Variants in LOXHD1 observed in about 807,000 individuals in gnomAD.
The protein encoded by LOXHD1 is lipoxygenase homology domain-containing protein 1.
In LOXHD1, 205 loss-of-function variants were observed where a neutral mutation model predicts 248.2. The ratio of observed to expected loss-of-function variants is 0.83; its 90% confidence interval spans 0.74 to 0.93. The LOEUF is 0.93. Among genes scored for constraint, LOXHD1 ranks in the 40% least tolerant of loss-of-function variants. LOXHD1 has a pLI of 0.00. For missense variants in LOXHD1, 2,930 were observed against 2,971.6 expected, an observed-to-expected ratio of 0.99 and a Z score of 0.33; for synonymous variants, 1,113 against 1,162.8, an observed-to-expected ratio of 0.96 and a Z score of 0.87.
chr18:46,606,840 G>A (rs1399224177), intron 6 of LOXHD1, among the ~76,000 whole-genome samples: 1 of 152,094 alleles, frequency 6.6e-6, no homozygotes, highest in Non-Finnish European at 1.5e-5. Context: ...AATAAGTCAT[G>A]GTAGATCTAA....
chr18:46,560,676 C>G (rs1383704217), intron 18 of LOXHD1, 131 bp from the exon 19 acceptor site: 3 of 837,470 alleles, frequency 3.6e-6, no homozygotes, highest in East Asian at 5.3e-5. Flanking sequence ...GCTGGGGCCT[C>G]TGTGCTCAGA....
Position 46,601,213 on chromosome 18 carries a change from T to C in LOXHD1, c.1134+4A>G. The C allele has an allele frequency of 3.9e-6, 6 of 1,550,134 alleles. No homozygotes were observed. The South Asian group carries it at 7.1e-5, about 18-fold the overall frequency. On this transcript the variant is annotated splice_donor_region_variant and intron_variant, in intron 8 of 40. Coordinates refer to ENST00000642948, the MANE Select transcript of LOXHD1 (RefSeq NM_001384474.1). ...GGAAGGCTGTCTCTGGGGGCATCCC[T>C]TACCTTCTCACAGAACCAGCCTCTG...
chr18:46,649,853 A>G (rs2039085676), intron 1 of LOXHD1, among the ~76,000 whole-genome samples: 1 of 152,156 alleles, frequency 6.6e-6, no homozygotes, highest in South Asian at 2.1e-4. Flanking sequence ...TATTCAGGGC[A>G]TCAGTACAAT....
chr18:46,552,641 C>T (rs2143905990), intron 21 of LOXHD1, among the ~76,000 whole-genome samples: 1 of 152,306 alleles, frequency 6.6e-6, no homozygotes, highest in South Asian at 2.1e-4. Context: ...TTTATATCTT[C>T]TCCCAATCCT....
intron 37 of LOXHD1, among the ~76,000 whole-genome samples, chr18:46,500,638 A>G (rs1181056172): frequency 6.6e-6 from 1 of 152,174 alleles, no homozygotes; most frequent in Non-Finnish European, 1.5e-5. Context: ...ATGGCTTCTC[A>G]GTACACTCAG....
chr18:46,648,884 A>G (rs1355628469), intron 2 of LOXHD1, among the ~76,000 whole-genome samples: 1 of 152,248 alleles, frequency 6.6e-6, no homozygotes, highest in African/African-American at 2.4e-5. Flanking sequence ...ACTAAGGAAC[A>G]GCTAATATGG....
intron 17 of LOXHD1, among the ~76,000 whole-genome samples, chr18:46,563,888 T>A (rs1053784320): frequency 5.9e-5 from 9 of 151,986 alleles, no homozygotes; most frequent in African/African-American, 2.2e-4. Flanking sequence ...GAGGCAGCCC[T>A]AGCACAGTAA....
chr18:46,656,611 T>A (rs556421723), intron 1 of LOXHD1, among the ~76,000 whole-genome samples: 1 of 152,198 alleles, frequency 6.6e-6, no homozygotes, highest in Admixed American at 6.5e-5. Flanking sequence ...TTGGGGATGT[T>A]CAGGAGCTGG....
chr18:46,579,629 C>T lies in LOXHD1; in HGVS notation c.1809+1G>A. On this transcript the variant is annotated splice_donor_variant, in intron 13 of 40. Transcript: ENST00000642948. LOFTEE classifies it high-confidence loss of function. ...GAGTGGGGCACATTGCTGTAACTTA[C>T]ATTGCCCTTTTCAAACAGGTCTGTG... is the stretch of plus-strand genomic sequence containing the variant. 6.4e-7 allele frequency: 1 copy of T among 1,551,698 alleles called. No homozygotes were observed. The highest frequency in any genetic ancestry group is 8.7e-7 in the Non-Finnish European group (1 of 1,146,974).
At chr18:46,499,302 G>C (rs909894800) in intron 37 of LOXHD1, among the ~76,000 whole-genome samples, 2 of 152,170 alleles carry the variant, frequency 1.3e-5, no homozygotes, top group African/African-American at 4.8e-5. Context: ...GATTTTGAAG[G>C]ATGCATAATA....
intron 25 of LOXHD1, among the ~76,000 whole-genome samples, chr18:46,540,905 G>A (rs754267222): frequency 2.8e-4 from 43 of 152,020 alleles, no homozygotes; most frequent in Non-Finnish European, 5.6e-4. Flanking sequence ...TTGATGATCT[G>A]TTCATTTCAG....
intron 35 of LOXHD1, among the ~76,000 whole-genome samples, chr18:46,509,174 C>T (rs190903228): frequency 2.6e-5 from 4 of 152,318 alleles, no homozygotes; most frequent in African/African-American, 9.6e-5. Flanking sequence ...ATCCCATCCC[C>T]AAGGCTGGCT....
intron 40 of LOXHD1, among the ~76,000 whole-genome samples, chr18:46,482,969 C>T (rs1300864094): frequency 6.6e-6 from 1 of 152,190 alleles, no homozygotes; most frequent in Non-Finnish European, 1.5e-5. Flanking sequence ...CAGGGCTCTT[C>T]CTGGCTTCCA....
chr18:46,579,052 G>A (rs756992610), intron 13 of LOXHD1, among the ~76,000 whole-genome samples: 4 of 152,260 alleles, frequency 2.6e-5, no homozygotes, highest in Non-Finnish European at 4.4e-5. Flanking sequence ...ACAGAAGCAA[G>A]TTCTCCCACC....
Position 46,644,269 on chromosome 18 carries a change from G to GA in LOXHD1, c.246-2234dup, listed in dbSNP as rs138689844. 7.5e-3 allele frequency among the ~76,000 whole-genome samples: 1,147 copies of GA among 152,264 alleles called. 19 individuals are homozygous for GA. The highest frequency in any genetic ancestry group is 0.026 in the African/African-American group (1,087 of 41,532). ...GCCAGCAAGTAGGGGAAAAGGAAGG[G>GA]AAGTATCCCCATTTTTAGCCAAAGA... is the stretch of plus-strand genomic sequence containing the variant. On this transcript the variant is annotated intron_variant, in intron 2 of 40. Coordinates refer to ENST00000642948, the MANE Select transcript of LOXHD1 (RefSeq NM_001384474.1).
intron 19 of LOXHD1, 88 bp downstream of exon 19, chr18:46,559,995 G>T: frequency 7.0e-7 from 1 of 1,420,736 alleles, no homozygotes; most frequent in Non-Finnish European, 9.5e-7. Context: ...ACGTGAGGGG[G>T]ATCTAGGCCC....
intron 14 of LOXHD1, among the ~76,000 whole-genome samples, chr18:46,575,090 T>C (rs556018767): frequency 3.3e-5 from 5 of 152,314 alleles, no homozygotes; most frequent in Admixed American, 1.3e-4. Context: ...TAACTCTGCA[T>C]TGAAAACCAA....
At chr18:46,649,674 C>T (rs1270187315) in intron 1 of LOXHD1, among the ~76,000 whole-genome samples, 2 of 152,074 alleles carry the variant, frequency 1.3e-5, no homozygotes, top group Non-Finnish European at 2.9e-5. Context: ...GTGACTGTGG[C>T]CAGCCCTCAC....
intron 8 of LOXHD1, among the ~76,000 whole-genome samples, chr18:46,600,336 C>T (rs1599039998): frequency 6.6e-6 from 1 of 152,298 alleles, no homozygotes; most frequent in Non-Finnish European, 1.5e-5. Flanking sequence ...CGATGGCTCA[C>T]TCCTATAATC....
Sources: gnomAD v4.1 joint callset for allele counts (sites outside exome capture counted in the v4.1 genomes callset) on GRCh38, gnomAD v4.1.1 for gene constraint, MANE v1.5 for transcripts, NCBI Gene and HGNC (gene_info 2026-07-23, HGNC 2026-07-21) for gene names.